The following HACE1 variants were observed in gnomAD, a reference collection of about 807,000 sequenced individuals.
HACE1 encodes HECT domain and ankyrin repeat containing E3 ubiquitin protein ligase 1, also known as E3 ubiquitin-protein ligase HACE1.
A neutral mutation model predicts 118.4 loss-of-function variants in HACE1; 73 were observed. That is an observed-to-expected ratio of 0.62 (90% CI 0.51 to 0.75). The LOEUF (loss-of-function observed/expected upper bound fraction) is 0.75. Ranked by LOEUF, HACE1 falls within the 30% of genes least tolerant of loss-of-function variation. The pLI is 0.00. For synonymous variants in HACE1, 368 were observed against 374.8 expected, an observed-to-expected ratio of 0.98 and a Z score of 0.21; for missense variants, 749 against 1,102.2, an observed-to-expected ratio of 0.68 and a Z score of 4.54.
In HACE1 at chr6:104,785,205, C is replaced by A. The variant is rs1330507353; in HGVS notation, c.1189G>T (p.Gly397Cys). 1 of 1,613,682 alleles carries A rather than the reference C, an allele frequency of 6.2e-7. No homozygotes were observed. Among genetic ancestry groups the A allele is most frequent in the Non-Finnish European group, 8.5e-7 (1 of 1,179,786 alleles). Residue 397 changes from glycine (G) to cysteine (C), a missense_variant, in exon 12 of 24, where the codon GGC becomes TGC. Physicochemically the swap from Gly to Cys is radical, Grantham distance 159. Around this residue, in one of 5 missense-constraint regions of HACE1, gnomAD observed 267 missense variants for 312.2 expected, o/e 0.86. Coordinates refer to ENST00000262903, the MANE Select transcript of HACE1 (RefSeq NM_020771.4). ...ATGGAAGCAGCATCTTGATCTTGGC[C>A]TTTTTGTTTCAGTAAAATAGAAGTG... ...EITSILLKQKGQDQDAASIPP... is the reference protein window; with the variant it reads ...EITSILLKQKCQDQDAASIPP...
intron 11 of HACE1, among the ~76,000 whole-genome samples, chr6:104,790,953 C>G (rs1782963515): frequency 6.6e-6 from 1 of 152,056 alleles, no homozygotes; most frequent in Non-Finnish European, 1.5e-5. Flanking sequence ...CTTCCAAGGA[C>G]TTCATCCATA....
intron 12 of HACE1, 135 bp from the exon 13 acceptor site, chr6:104,784,620 T>A (rs1343348950): frequency 1.1e-5 from 7 of 653,832 alleles, no homozygotes; most frequent in Non-Finnish European, 1.8e-5. Context: ...ATCTTCTTTG[T>A]AAGTTTAGGA....
chr6:104,809,560 G>A (rs1028321523), intron 7 of HACE1, among the ~76,000 whole-genome samples: 1 of 152,024 alleles, frequency 6.6e-6, no homozygotes, highest in African/African-American at 2.4e-5. Flanking sequence ...GGTCTCACAG[G>A]CCAAGGTAGA....
At chr6:104,839,853 A>G (rs988728178) in intron 5 of HACE1, among the ~76,000 whole-genome samples, 11 of 152,100 alleles carry the variant, frequency 7.2e-5, no homozygotes, top group African/African-American at 2.7e-4. Context: ...TAAAAATGCA[A>G]AAATTAGCTG....
chr6:104,854,019 T>C (rs1441220162), intron 1 of HACE1, among the ~76,000 whole-genome samples: 1 of 152,182 alleles, frequency 6.6e-6, no homozygotes, highest in African/African-American at 2.4e-5. Context: ...TCTCCCTCTC[T>C]CTCAAAATAT....
chr6:104,793,073 C>G (rs1783216961), intron 10 of HACE1, among the ~76,000 whole-genome samples: 1 of 151,506 alleles, frequency 6.6e-6, no homozygotes, highest in Non-Finnish European at 1.5e-5. Flanking sequence ...TCGAGACCAT[C>G]CTGGCTACAC....
intron 11 of HACE1, 40 bp downstream of exon 11, chr6:104,791,464 T>C: frequency 6.4e-7 from 1 of 1,551,802 alleles, no homozygotes. Context: ...TTCATCTCTT[T>C]TACGTCTATC....
intron 14 of HACE1, among the ~76,000 whole-genome samples, chr6:104,782,184 T>C (rs560012565): frequency 6.6e-6 from 1 of 152,172 alleles, no homozygotes; most frequent in South Asian, 2.1e-4. Flanking sequence ...TATCATACAG[T>C]GTAGGTTAAG....
intron 6 of HACE1, among the ~76,000 whole-genome samples, chr6:104,822,201 A>G (rs898671817): frequency 3.6e-5 from 2 of 55,150 alleles, no homozygotes; most frequent in African/African-American, 1.4e-4. Context: ...CCCCGTCTCT[A>G]CTAAAAAAAA....
At chr6:104,784,206 G>A in intron 13 of HACE1, 33 bp from the exon 14 acceptor site, 1 of 1,199,312 alleles carries the variant, frequency 8.3e-7, no homozygotes, top group Non-Finnish European at 1.2e-6. Flanking sequence ...AAATGGACAG[G>A]AAGAATGAGT....
intron 11 of HACE1, 141 bp from the exon 12 acceptor site, chr6:104,785,460 T>C (rs1782285419): frequency 7.7e-6 from 5 of 645,550 alleles, no homozygotes; most frequent in Admixed American, 2.7e-5. Context: ...AACGTGATAG[T>C]AATGCCTAAA....
At chr6:104,798,080 A>AAAAGAAAG (rs1045521220) in intron 7 of HACE1, among the ~76,000 whole-genome samples, 2 of 151,770 alleles carry the variant, frequency 1.3e-5, no homozygotes, top group Admixed American at 1.3e-4. Context: ...AAAAAAAAAA[A>AAAAGAAAG]AAAGAAAGAA....
At chr6:104,790,758 A>G (rs892559720) in intron 11 of HACE1, among the ~76,000 whole-genome samples, 1 of 152,230 alleles carries the variant, frequency 6.6e-6, no homozygotes, top group Non-Finnish European at 1.5e-5. Flanking sequence ...CCGTTTCAAA[A>G]AATAAATACA....
At chr6:104,805,667 A>T (rs1303991702) in intron 7 of HACE1, among the ~76,000 whole-genome samples, 1 of 152,192 alleles carries the variant, frequency 6.6e-6, no homozygotes, top group Non-Finnish European at 1.5e-5. Flanking sequence ...GAACACTTGG[A>T]CACAGGGCAG....
chr6:104,771,972 T>C lies in HACE1; in HGVS notation c.1967A>G (p.Gln656Arg), dbSNP rs1375904166. Residue 656 changes from glutamine to arginine, a missense_variant, in exon 18 of 24, where the codon CAG becomes CGG. Gln to Arg is a conservative substitution (Grantham distance 43). Transcript: ENST00000262903. ...TCGTGTGAAGTAAATATTGACCAGC[T>C]GCCTGTGGTTCAACGCTAATCCCAA... is the stretch of plus-strand genomic sequence containing the variant. ...QILGLALNHR[Q>R]LVNIYFTRSF... is the part of the protein sequence containing the mutation. 4.4e-6 allele frequency: 7 copies of C among 1,608,710 alleles called. No individual in the cohort carries two copies. Among genetic ancestry groups the C allele is most frequent in the Non-Finnish European group, 6.0e-6 (7 of 1,175,230 alleles).
chr6:104,749,354 A>G (rs1777789707), intron 20 of HACE1, among the ~76,000 whole-genome samples: 1 of 152,158 alleles, frequency 6.6e-6, no homozygotes, highest in South Asian at 2.1e-4. Context: ...ACAATCAAAA[A>G]AACCTCAAAA....
At chr6:104,762,225 C>T (rs535153058) in intron 19 of HACE1, among the ~76,000 whole-genome samples, 27 of 152,234 alleles carry the variant, frequency 1.8e-4, no homozygotes, top group African/African-American at 5.1e-4. Flanking sequence ...TTATAAATCA[C>T]GCTACTATAA....
At chr6:104,828,182 A>G (rs1773516894) in intron 6 of HACE1, among the ~76,000 whole-genome samples, 1 of 152,086 alleles carries the variant, frequency 6.6e-6, no homozygotes, top group African/African-American at 2.4e-5. Context: ...AATTATACCT[A>G]CAGAGAATAG....
intron 7 of HACE1, among the ~76,000 whole-genome samples, chr6:104,798,792 G>A (rs1468367438): frequency 1.3e-5 from 2 of 152,170 alleles, no homozygotes; most frequent in East Asian, 1.9e-4. Flanking sequence ...TTTATTTAGG[G>A]ATATAGTGAT....
Sources: allele counts gnomAD v4.1 joint callset (sites outside exome capture counted in the v4.1 genomes callset), GRCh38; gene constraint gnomAD v4.1.1; regional missense constraint gnomAD v4.1.1; transcripts MANE v1.5; gene names NCBI Gene and HGNC (gene_info 2026-07-23, HGNC 2026-07-21).